Variants in NEMP2 observed in about 807,000 individuals in gnomAD.
The protein encoded by NEMP2 is nuclear envelope integral membrane protein 2, also known as UPF0571 transmembrane protein.
Under a neutral mutation model 54.2 loss-of-function variants are expected in NEMP2, and 53 were observed. The observed-to-expected ratio is 0.98, with a 90% CI of 0.78 to 1.23. The LOEUF is 1.23. NEMP2 is among the 50% of genes most tolerant of loss of function. NEMP2 has a pLI of 0.00. For synonymous variants in NEMP2, 197 were observed against 190.3 expected (o/e 1.04, Z -0.29); for missense variants, 455 against 511.3 (o/e 0.89, Z 1.06).
chr2:190,441,771 G>GC, the NEMP2 span, among the ~76,000 whole-genome samples: 10 of 152,020 alleles, frequency 6.6e-5, no homozygotes, highest in East Asian at 1.9e-3. Context: ...TCTCACCTAT[G>GC]CCCCACCCAC....
At chr2:190,496,638 ATATATATG>A in the NEMP2 span, among the ~76,000 whole-genome samples, 4 of 152,188 alleles carry the variant, frequency 2.6e-5, no homozygotes, top group South Asian at 6.2e-4. The surrounding 1 kb of genome is among the most constrained non-coding windows in gnomAD (Gnocchi z 4.7). Context: ...ATATGTGTGT[ATATATATG>A]TATATGTGTA....
chr2:190,625,891 C>T, the NEMP2 span: 1 of 152,208 alleles, frequency 6.6e-6, no homozygotes, highest in Non-Finnish European at 1.5e-5. Context: ...CAGGCAGCTT[C>T]TAGAGACCCA....
At chr2:190,567,674 G>C in the NEMP2 span, among the ~76,000 whole-genome samples, 2 of 152,110 alleles carry the variant, frequency 1.3e-5, no homozygotes, top group African/African-American at 4.8e-5. The surrounding 1 kb of genome is among the most constrained non-coding windows in gnomAD (Gnocchi z 4.0). Flanking sequence ...TATTGAGATG[G>C]AGTCTCGCTC....
downstream of NEMP2, chr2:190,501,768 A>G (rs1690034664): frequency 6.5e-6 from 1 of 152,690 alleles, no homozygotes; most frequent in Non-Finnish European, 1.5e-5. Context: ...TGAAAGAAAT[A>G]GAATTCAGCA....
At chr2:190,450,483 T>C in the NEMP2 span, among the ~76,000 whole-genome samples, 2 of 106,800 alleles carry the variant, frequency 1.9e-5, no homozygotes, top group African/African-American at 3.2e-5. Context: ...CTTTTTCTCT[T>C]TTTCCTTTTT....
Position 190,525,729 on chromosome 2 carries a change from G to A in NEMP2, c.98-351C>T, listed in dbSNP as rs1282242503. 1.3e-5 allele frequency among the ~76,000 whole-genome samples: 2 copies of A among 152,170 alleles called. No homozygotes were observed. The highest frequency in any genetic ancestry group is 2.9e-5 in the Non-Finnish European group (2 of 68,020). ...GTAGAGGCAATAAGACAGAAACTAG[G>A]AGGTGGGAGTGGGGGTGGGCAGAAC... On this transcript the variant is annotated intron_variant, in intron 1 of 8. Coordinates refer to ENST00000409150, the MANE Select transcript of NEMP2 (RefSeq NM_001142645.2). The surrounding 1 kb of genome is among the most constrained non-coding windows in gnomAD (Gnocchi z 5.0).
chr2:190,622,297 A>G, the NEMP2 span, among the ~76,000 whole-genome samples: 4 of 150,778 alleles, frequency 2.7e-5, no homozygotes, highest in East Asian at 2.0e-4. Context: ...AGTCTCAGCT[A>G]CTCAGGAGGC....
chr2:190,469,031 C>T, the NEMP2 span, among the ~76,000 whole-genome samples: 23 of 152,240 alleles, frequency 1.5e-4, no homozygotes, highest in African/African-American at 5.3e-4. This position sits in a 1 kb window ranked among gnomAD's most constrained non-coding sequence, Gnocchi z 5.3. Context: ...TGCACCACTT[C>T]AGGCCTTTGC....
chr2:190,427,293 G>A, the NEMP2 span, among the ~76,000 whole-genome samples: 225 of 152,296 alleles, frequency 1.5e-3, no homozygotes, highest in African/African-American at 5.3e-3. Context: ...GAGGGGTTGG[G>A]GGTTCCCCAT....
At chr2:190,532,244 GTAAC>G (rs1691169740) in intron 1 of NEMP2, among the ~76,000 whole-genome samples, 1 of 152,138 alleles carries the variant, frequency 6.6e-6, no homozygotes, top group African/African-American at 2.4e-5. Context: ...AGTGATAAAG[GTAAC>G]TATTCTCTTA....
chr2:190,449,484 A>C, the NEMP2 span, among the ~76,000 whole-genome samples: 2 of 152,122 alleles, frequency 1.3e-5, no homozygotes, highest in African/African-American at 4.8e-5. Flanking sequence ...AAAAAAAAAA[A>C]ATTAATATCA....
the NEMP2 span, among the ~76,000 whole-genome samples, chr2:190,470,739 T>C: frequency 8.5e-5 from 13 of 152,290 alleles, no homozygotes; most frequent in East Asian, 2.3e-3. Flanking sequence ...TGATGAAAGA[T>C]TGAGAATTTC....
chr2:190,581,133 C>T, the NEMP2 span, among the ~76,000 whole-genome samples: 2 of 152,138 alleles, frequency 1.3e-5, no homozygotes, highest in African/African-American at 4.8e-5. Flanking sequence ...AGGAATTATG[C>T]AAAAAGTTCC....
the NEMP2 span, among the ~76,000 whole-genome samples, chr2:190,428,969 A>G: frequency 0.99 from 151,405 of 152,246 alleles, 75,288 homozygotes; most frequent in Middle Eastern, 1. Flanking sequence ...CACCATGCCC[A>G]GCCTCAATCT....
chr2:190,522,620 C>G lies in NEMP2; in HGVS notation c.213+2643G>C, dbSNP rs1690791386. ...GACATGCCCCATTATGCCCTCCTCC[C>G]TTTTGGAATTCAGGAAAAACCAACC... On this transcript the variant is annotated intron_variant, in intron 2 of 8. Transcript: ENST00000409150. This position sits in a 1 kb window ranked among gnomAD's most constrained non-coding sequence, Gnocchi z 5.0. Among the ~76,000 whole-genome samples, 1 of 152,278 alleles carries G rather than the reference C, an allele frequency of 6.6e-6. No homozygotes were observed. The highest frequency in any genetic ancestry group is 1.9e-4 in the East Asian group (1 of 5,182).
the NEMP2 span, among the ~76,000 whole-genome samples, chr2:190,461,002 G>C: frequency 2.0e-5 from 3 of 152,130 alleles, no homozygotes; most frequent in African/African-American, 7.2e-5. The surrounding 1 kb of genome is among the most constrained non-coding windows in gnomAD (Gnocchi z 5.5). Flanking sequence ...CCATTTCTTT[G>C]TCCAGGAAGA....
the NEMP2 span, among the ~76,000 whole-genome samples, chr2:190,425,668 T>C: frequency 2.0e-5 from 3 of 152,222 alleles, no homozygotes; most frequent in African/African-American, 4.8e-5. The surrounding 1 kb of genome is among the most constrained non-coding windows in gnomAD (Gnocchi z 4.3). Context: ...CTTTGAAATA[T>C]TGCATCAGCC....
the NEMP2 span, among the ~76,000 whole-genome samples, chr2:190,447,230 A>T: frequency 2.6e-5 from 4 of 152,314 alleles, no homozygotes; most frequent in South Asian, 8.3e-4. The surrounding 1 kb of genome is among the most constrained non-coding windows in gnomAD (Gnocchi z 4.5). Context: ...CAGAGAACAC[A>T]AAGTTAGTGA....
chr2:190,581,149 T>C, the NEMP2 span, among the ~76,000 whole-genome samples: 2 of 152,154 alleles, frequency 1.3e-5, no homozygotes, highest in Non-Finnish European at 2.9e-5. Flanking sequence ...GTTCCCTGAG[T>C]AGGCAAAATA....
Sources: gnomAD v4.1 joint callset for allele counts (sites outside exome capture counted in the v4.1 genomes callset) on GRCh38, gnomAD v4.1.1 for gene constraint, Gnocchi (gnomAD v3.1) non-coding constraint, MANE v1.5 for transcripts, NCBI Gene and HGNC (gene_info 2026-07-23, HGNC 2026-07-21) for gene names.